CLYBL: variants seen among roughly 807,000 people sequenced by gnomAD.
The protein encoded by CLYBL is citramalyl-CoA lyase, mitochondrial.
A neutral mutation model predicts 38.9 loss-of-function variants in CLYBL; 31 were observed. The observed-to-expected ratio is 0.80, with a 90% CI of 0.60 to 1.08. CLYBL has a LOEUF of 1.08. CLYBL is among the 50% of genes least tolerant of loss of function. The pLI is 0.00. For missense variants in CLYBL, 434 were observed against 411.6 expected (o/e 1.05, Z -0.47); for synonymous variants, 171 against 158.6 (o/e 1.08, Z -0.59).
intron 1 of CLYBL, among the ~76,000 whole-genome samples, chr13:99,680,546 C>A (rs2089827249): frequency 6.6e-6 from 1 of 152,114 alleles, no homozygotes; most frequent in African/African-American, 2.4e-5. Flanking sequence ...AGAAAATAAA[C>A]CCCTCATCCT....
At chr13:99,636,745 A>G (rs2139252666) in intron 1 of CLYBL, among the ~76,000 whole-genome samples, 1 of 152,260 alleles carries the variant, frequency 6.6e-6, no homozygotes, top group Middle Eastern at 3.4e-3. Flanking sequence ...GGTAGGGTAC[A>G]GATAAAATGA....
intron 1 of CLYBL, among the ~76,000 whole-genome samples, chr13:99,685,870 G>A (rs150268686): frequency 9.9e-5 from 15 of 152,266 alleles, no homozygotes; most frequent in Middle Eastern, 3.4e-3. Flanking sequence ...GCTGAGGAAC[G>A]AGAATCGCTT....
chr13:99,882,928 C>G (rs888165434), intron 7 of CLYBL, among the ~76,000 whole-genome samples: 3 of 152,036 alleles, frequency 2.0e-5, no homozygotes, highest in African/African-American at 7.2e-5. Context: ...CCAGACAATC[C>G]ATCCATGCTG....
At chr13:99,728,036 C>G (rs2048510261) in intron 1 of CLYBL, among the ~76,000 whole-genome samples, 1 of 152,064 alleles carries the variant, frequency 6.6e-6, no homozygotes, top group African/African-American at 2.4e-5. Context: ...AGAGATCATG[C>G]CACTGCATGT....
At chr13:99,767,091 T>C in intron 1 of CLYBL, among the ~76,000 whole-genome samples, 1 of 152,222 alleles carries the variant, frequency 6.6e-6, no homozygotes, top group East Asian at 1.9e-4. Context: ...AAGCTGAATG[T>C]CCACCTCAAT....
downstream of CLYBL, chr13:99,894,017 T>C (rs1309312222): frequency 1.3e-5 from 2 of 152,274 alleles, no homozygotes; most frequent in Non-Finnish European, 2.9e-5. Flanking sequence ...GACTAAGACC[T>C]ATGAGAGCCA....
intron 2 of CLYBL, among the ~76,000 whole-genome samples, chr13:99,845,366 A>G (rs1208654071): frequency 1.3e-5 from 2 of 152,120 alleles, no homozygotes; most frequent in Non-Finnish European, 2.9e-5. Flanking sequence ...CGGCACGGGA[A>G]ATTAACCTGC....
At chr13:99,742,646 A>C (rs2048775765) in intron 1 of CLYBL, among the ~76,000 whole-genome samples, 1 of 152,254 alleles carries the variant, frequency 6.6e-6, no homozygotes, top group Non-Finnish European at 1.5e-5. Flanking sequence ...TTTAAAAAGT[A>C]CTTTTCACAT....
intron 1 of CLYBL, among the ~76,000 whole-genome samples, chr13:99,675,605 A>G (rs530753189): frequency 5.9e-5 from 9 of 152,254 alleles, no homozygotes; most frequent in African/African-American, 2.2e-4. Flanking sequence ...TGGACTCTTC[A>G]TATACATGGA....
chr13:99,688,073 A>G (rs1262817116), intron 1 of CLYBL, among the ~76,000 whole-genome samples: 1 of 152,218 alleles, frequency 6.6e-6, no homozygotes, highest in East Asian at 1.9e-4. Context: ...GTTTGAAGCA[A>G]CGGTCTTTCC....
In CLYBL at chr13:99,676,378, C is replaced by T. The variant is rs568581297; in HGVS notation, c.62+69621C>T. 7.2e-5 allele frequency among the ~76,000 whole-genome samples: 11 copies of T among 152,092 alleles called. No individual in the cohort carries two copies. The South Asian group carries it at 2.1e-3, about 29-fold the overall frequency. On this transcript the variant is annotated intron_variant, in intron 1 of 8. Coordinates refer to ENST00000339105, the MANE Select transcript of CLYBL (RefSeq NM_206808.5). ...AGGCTGGAGTGCAATGGCGCAATCT[C>T]GGCTCACTGCAGCCTCCACCTCATT...
chr13:99,743,128 T>G (rs2048786513), intron 1 of CLYBL, among the ~76,000 whole-genome samples: 1 of 152,070 alleles, frequency 6.6e-6, no homozygotes, highest in Admixed American at 6.5e-5. Flanking sequence ...CTACAGTGTT[T>G]AGGATCCCTG....
chr13:99,871,414 T>G (rs1248268888), intron 7 of CLYBL, among the ~76,000 whole-genome samples: 1 of 152,186 alleles, frequency 6.6e-6, no homozygotes, highest in East Asian at 1.9e-4. Context: ...TGTAATGAAA[T>G]AAACACAGTT....
chr13:99,795,571 T>C (rs550732855), intron 2 of CLYBL, among the ~76,000 whole-genome samples: 2 of 152,224 alleles, frequency 1.3e-5, no homozygotes, highest in Admixed American at 1.3e-4. Flanking sequence ...GGAAGATTGC[T>C]TGAGCCCAGG....
chr13:99,861,931 GT>G (rs1182793345), intron 3 of CLYBL, among the ~76,000 whole-genome samples: 3 of 152,140 alleles, frequency 2.0e-5, no homozygotes, highest in Non-Finnish European at 4.4e-5. Flanking sequence ...TTAAGCATTA[GT>G]TTTTTTATGT....
At chr13:99,635,757 G>C (rs1412042923) in intron 1 of CLYBL, among the ~76,000 whole-genome samples, 1 of 152,104 alleles carries the variant, frequency 6.6e-6, no homozygotes, top group African/African-American at 2.4e-5. Context: ...TCTCAATTCT[G>C]GTCTTTCCAT....
chr13:99,753,820 G>A lies in CLYBL; in HGVS notation c.63-19004G>A, dbSNP rs138330180. ...TATTATGACATTGGCCGGGCGCGGT[G>A]GCTCATGCCTGTAATCCCAGCACTT... On this transcript the variant is annotated intron_variant, in intron 1 of 8. Transcript: ENST00000339105. Among the ~76,000 whole-genome samples, 1,076 of 152,200 alleles carry A rather than the reference G, an allele frequency of 7.1e-3. 9 individuals carry two copies. Among genetic ancestry groups the A allele is most frequent in the African/African-American group, 0.025 (1,032 of 41,526 alleles).
chr13:99,629,037 G>A (rs147692069), intron 1 of CLYBL, among the ~76,000 whole-genome samples: 170 of 152,328 alleles, frequency 1.1e-3, no homozygotes, highest in African/African-American at 3.6e-3. Context: ...TGCTTCGTTC[G>A]CGGACTCTGA....
chr13:99,888,068 C>A (rs772600874), intron 7 of CLYBL, among the ~76,000 whole-genome samples: 1 of 152,104 alleles, frequency 6.6e-6, no homozygotes, highest in Non-Finnish European at 1.5e-5. Context: ...GTTGGCCAGT[C>A]TGGTCTCGAA....
Sources: gnomAD v4.1 joint callset for allele counts (sites outside exome capture counted in the v4.1 genomes callset) on GRCh38, gnomAD v4.1.1 for gene constraint, MANE v1.5 for transcripts, NCBI Gene and HGNC (gene_info 2026-07-23, HGNC 2026-07-21) for gene names.